Variants in EFNA5 observed in about 807,000 individuals in gnomAD.
The protein encoded by EFNA5 is ephrin A5.
Under a neutral mutation model 22.9 loss-of-function variants are expected in EFNA5, and 5 were observed. The ratio of observed to expected loss-of-function variants is 0.22; its 90% CI spans 0.11 to 0.46. The LOEUF is 0.46. EFNA5 is among the 20% of genes least tolerant of loss of function. EFNA5 has a pLI of 0.99. For synonymous variants in EFNA5, 113 were observed against 112.2 expected, an observed-to-expected ratio of 1.01 and a Z score of -0.04; for missense variants, 237 against 293.3, an observed-to-expected ratio of 0.81 and a Z score of 1.40.
chr5:107,565,850 TAGGA>T (rs1374212329), intron 1 of EFNA5, among the ~76,000 whole-genome samples: 2 of 152,358 alleles, frequency 1.3e-5, no homozygotes, highest in East Asian at 3.9e-4. Flanking sequence ...TTTCCACTGT[TAGGA>T]AGAAGATGGA....
intron 1 of EFNA5, among the ~76,000 whole-genome samples, chr5:107,545,144 A>G (rs771106245): frequency 2.6e-5 from 4 of 152,242 alleles, no homozygotes; most frequent in Non-Finnish European, 5.9e-5. Flanking sequence ...TCGAACCTTT[A>G]CTTGCCTTAA....
intron 1 of EFNA5, among the ~76,000 whole-genome samples, chr5:107,661,070 A>G (rs1223102587): frequency 3.3e-5 from 5 of 151,918 alleles, no homozygotes. Context: ...AGCAGAGGCT[A>G]AAAGAAAAGG....
At chr5:107,535,746 G>A (rs1465154254) in intron 1 of EFNA5, among the ~76,000 whole-genome samples, 1 of 151,984 alleles carries the variant, frequency 6.6e-6, no homozygotes, top group East Asian at 1.9e-4. Context: ...TTTTTCTCGA[G>A]GTCGTTATGG....
At chr5:107,405,914 T>A (rs187616264) in intron 2 of EFNA5, among the ~76,000 whole-genome samples, 29 of 147,374 alleles carry the variant, frequency 2.0e-4, no homozygotes, top group African/African-American at 7.0e-4. Context: ...ATACATAGAA[T>A]GTATACAAAT....
In EFNA5 at chr5:107,381,242, G is replaced by C; in HGVS notation, c.*13C>G. The C allele has an allele frequency of 6.2e-7, 1 of 1,611,118 alleles. No individual in the cohort carries two copies. Among genetic ancestry groups the C allele is most frequent in the Non-Finnish European group, 8.5e-7 (1 of 1,177,660 alleles). On this transcript the variant is annotated 3_prime_UTR_variant, in exon 5 of 5. Coordinates refer to ENST00000333274, the MANE Select transcript of EFNA5 (RefSeq NM_001962.3). ...CTGATGTTTTCTGTGACAAGTGATG[G>C]GAGGAGACTGTGCTATAATGTCAAA...
At chr5:107,464,699 G>C (rs1327540718) in intron 1 of EFNA5, among the ~76,000 whole-genome samples, 2 of 152,128 alleles carry the variant, frequency 1.3e-5, no homozygotes, top group African/African-American at 2.4e-5. Flanking sequence ...CCAGGCAAGA[G>C]GGGAGTTGCC....
Position 107,387,219 on chromosome 5 carries a change from C to T in EFNA5, c.565+16G>A. ...ATAGATGCATTTGTTAAAAGAGATTCTCTAAGCATACTAACCTGCTGGTTC... is the reference window on the plus strand; with the variant it reads ...ATAGATGCATTTGTTAAAAGAGATTTTCTAAGCATACTAACCTGCTGGTTC... On this transcript the variant is annotated intron_variant, in intron 4 of 4. Coordinates refer to ENST00000333274, the MANE Select transcript of EFNA5 (RefSeq NM_001962.3). 1.3e-6 allele frequency: 2 copies of T among 1,571,392 alleles called. No individual in the cohort carries two copies. Among genetic ancestry groups the T allele is most frequent in the Non-Finnish European group, 1.7e-6 (2 of 1,150,286 alleles).
intron 1 of EFNA5, among the ~76,000 whole-genome samples, chr5:107,499,810 G>A (rs1747089403): frequency 1.3e-5 from 2 of 152,144 alleles, no homozygotes; most frequent in South Asian, 4.1e-4. Context: ...TGAGATCCCA[G>A]GGTTCCAGGG....
chr5:107,526,040 G>A (rs1337234572), intron 1 of EFNA5, among the ~76,000 whole-genome samples: 8 of 152,178 alleles, frequency 5.3e-5, no homozygotes, highest in African/African-American at 9.6e-5. Context: ...AGAATTGCCC[G>A]CAAAGGTCAA....
intron 1 of EFNA5, among the ~76,000 whole-genome samples, chr5:107,431,565 G>A (rs942625908): frequency 2.2e-4 from 33 of 152,110 alleles, no homozygotes; most frequent in African/African-American, 7.7e-4. Context: ...GTCAAGCAAC[G>A]TGCCCAATAT....
intron 1 of EFNA5, among the ~76,000 whole-genome samples, chr5:107,630,737 T>G (rs1750233296): frequency 6.6e-6 from 1 of 152,160 alleles, no homozygotes; most frequent in Non-Finnish European, 1.5e-5. Context: ...CTTTATAAAC[T>G]TTTCATTTAA....
intron 1 of EFNA5, among the ~76,000 whole-genome samples, chr5:107,591,994 TATATAATATATAATATATATA>T (rs1749367529): frequency 6.2e-5 from 3 of 48,214 alleles, no homozygotes; most frequent in African/African-American, 3.7e-4. Flanking sequence ...ATATATAATA[TATATAATATATAATATATATA>T]ATATAATATA....
At chr5:107,474,226 G>A (rs556065512) in intron 1 of EFNA5, among the ~76,000 whole-genome samples, 2 of 152,274 alleles carry the variant, frequency 1.3e-5, no homozygotes, top group Non-Finnish European at 2.9e-5. Context: ...GAAATATTCT[G>A]CTGGAGTGGA....
At chr5:107,502,764 G>A (rs1345415075) in intron 1 of EFNA5, among the ~76,000 whole-genome samples, 7 of 152,088 alleles carry the variant, frequency 4.6e-5, no homozygotes, top group African/African-American at 1.2e-4. Context: ...AGGATGGAAC[G>A]ACTCGCAGGC....
intron 1 of EFNA5, among the ~76,000 whole-genome samples, chr5:107,634,467 G>GAGTGAAAGGGAAAGGAATAAA (rs1554070472): frequency 3.5e-5 from 4 of 113,020 alleles, no homozygotes; most frequent in Non-Finnish European, 4.4e-5. Context: ...AGTTAGCTAT[G>GAGTGAAAGGGAAAGGAATAAA]ATGGCGCCAC....
chr5:107,430,055 A>AT lies in EFNA5; in HGVS notation c.126-2547dup, dbSNP rs1209776569. On this transcript the variant is annotated intron_variant, in intron 1 of 4. Transcript: ENST00000333274. ...CTAGAGGATCCCAAACTACATAACC[A>AT]TTTTTTTAAAAACCGAAAACACTTG... Among the ~76,000 whole-genome samples, 9 of 152,206 alleles carry AT rather than the reference A, an allele frequency of 5.9e-5. No homozygotes were observed. In the South Asian group the frequency reaches 1.0e-3, roughly 18 times the overall value.
chr5:107,518,628 C>T (rs1390680398), intron 1 of EFNA5, among the ~76,000 whole-genome samples: 1 of 152,114 alleles, frequency 6.6e-6, no homozygotes, highest in Non-Finnish European at 1.5e-5. Flanking sequence ...TCTTCCTTTG[C>T]CAAAGACAAG....
At chr5:107,638,112 C>T (rs1461361558) in intron 1 of EFNA5, among the ~76,000 whole-genome samples, 1 of 152,040 alleles carries the variant, frequency 6.6e-6, no homozygotes, top group Admixed American at 6.6e-5. Flanking sequence ...CTTGGCCTCT[C>T]AAAGTGCTGG....
At position 107,465,478 on chromosome 5, in the gene EFNA5, C is replaced by T. The variant is rs139678066; in HGVS notation, c.126-37969G>A. ...AGGTTTCACCGCTTTACTCCAAAGA[C>T]GCCACGTAAATGTGGCTTTGCCTCT... On this transcript the variant is annotated intron_variant, in intron 1 of 4. Transcript: ENST00000333274. 3.1e-3 allele frequency among the ~76,000 whole-genome samples: 475 copies of T among 152,226 alleles called. 2 individuals carry two copies. Among genetic ancestry groups the T allele is most frequent in the African/African-American group, 5.0e-3 (206 of 41,536 alleles).
Sources: gnomAD v4.1 joint callset for allele counts (sites outside exome capture counted in the v4.1 genomes callset) on GRCh38, gnomAD v4.1.1 for gene constraint, MANE v1.5 for transcripts, NCBI Gene and HGNC (gene_info 2026-07-23, HGNC 2026-07-21) for gene names.